The following LRRC75A variants were observed in gnomAD, a reference collection of about 807,000 sequenced individuals.
LRRC75A encodes leucine-rich repeat-containing protein 75A.
Under a neutral mutation model 26.0 loss-of-function variants are expected in LRRC75A, and 12 were observed. The observed-to-expected ratio is 0.46, with a 90% confidence interval of 0.30 to 0.75. The LOEUF is 0.75. Among genes scored for constraint, LRRC75A ranks in the 30% least tolerant of loss-of-function variants. LRRC75A has a pLI of 0.08. For missense variants in LRRC75A, 410 were observed against 486.6 expected (o/e 0.84, Z 1.48); for synonymous variants, 223 against 219.3 (o/e 1.02, Z -0.15).
At chr17:16,474,159 C>T (rs140069233) in intron 1 of LRRC75A, among the ~76,000 whole-genome samples, 5 of 118,676 alleles carry the variant, frequency 4.2e-5, no homozygotes, top group Non-Finnish European at 1.7e-5. Context: ...TCTGCCCACA[C>T]GTGGCTGACG....
chr17:16,453,662 C>T (rs1178198601), intron 2 of LRRC75A, among the ~76,000 whole-genome samples: 1 of 152,146 alleles, frequency 6.6e-6, no homozygotes, highest in Admixed American at 6.5e-5. Context: ...CCTCTGAGCA[C>T]TGTTTGCATG....
At chr17:16,457,806 GA>G (rs35875846) in intron 2 of LRRC75A, among the ~76,000 whole-genome samples, 120,584 of 148,244 alleles carry the variant, frequency 0.81, 49,717 homozygotes, top group African/African-American at 0.94. Context: ...GTCTCTACAA[GA>G]AAAAAAAAAA....
chr17:16,466,752 G>C (rs1031970539), intron 1 of LRRC75A, among the ~76,000 whole-genome samples: 2 of 152,194 alleles, frequency 1.3e-5, no homozygotes, highest in Non-Finnish European at 1.5e-5. Context: ...TGGATAAACA[G>C]GTCTGGGGAC....
intron 2 of LRRC75A, among the ~76,000 whole-genome samples, chr17:16,454,604 T>C (rs903559599): frequency 2.6e-5 from 4 of 151,612 alleles, no homozygotes; most frequent in African/African-American, 9.7e-5. Context: ...GGCAGGAGAA[T>C]CGCGTGAACC....
intron 1 of LRRC75A, among the ~76,000 whole-genome samples, chr17:16,490,657 T>C (rs925831982): frequency 6.6e-6 from 1 of 152,158 alleles, no homozygotes; most frequent in Non-Finnish European, 1.5e-5. Flanking sequence ...TGGGTCTGAT[T>C]AGATTTTGGA....
intron 1 of LRRC75A, among the ~76,000 whole-genome samples, chr17:16,474,267 G>A (rs2093814443): frequency 6.6e-6 from 1 of 152,186 alleles, no homozygotes; most frequent in South Asian, 2.1e-4. Flanking sequence ...TGAGAAGGTT[G>A]CACCAGCTCA....
Position 16,491,674 on chromosome 17 carries a change from A to C in LRRC75A, c.246+71T>G. 1.7e-6 allele frequency: 2 copies of C among 1,144,196 alleles called. No individual in the cohort carries two copies. The highest frequency in any genetic ancestry group is 1.6e-5 in the African/African-American group (1 of 60,756). The allele number at this position is 1,144,196 out of a possible 1,614,324, so 70.9% of individuals were successfully genotyped here. A position where few individuals can be genotyped will look rare whatever the true frequency, so the allele number is the denominator to read the frequency against. On this transcript the variant is annotated intron_variant, in intron 1 of 3. Coordinates refer to ENST00000470794, the MANE Select transcript of LRRC75A (RefSeq NM_001113567.3). The surrounding 1 kb of genome is among the most constrained non-coding windows in gnomAD (Gnocchi z 5.9). ...GTGCCCCCGGCTTCCTCGGTTAGGGATGGGGCGCCCCCCCCGGCCCAGCAC... is the reference window on the plus strand; with the variant it reads ...GTGCCCCCGGCTTCCTCGGTTAGGGCTGGGGCGCCCCCCCCGGCCCAGCAC...
At chr17:16,459,732 A>T (rs2093713255) in intron 2 of LRRC75A, among the ~76,000 whole-genome samples, 1 of 152,068 alleles carries the variant, frequency 6.6e-6, no homozygotes, top group South Asian at 2.1e-4. Context: ...CTCAGATGCA[A>T]ATTGCTCTGA....
chr17:16,466,547 G>A (rs1294363346), intron 1 of LRRC75A, among the ~76,000 whole-genome samples: 1 of 152,196 alleles, frequency 6.6e-6, no homozygotes, highest in Non-Finnish European at 1.5e-5. Context: ...TAGGAACTGT[G>A]CCTGTGGACA....
chr17:16,466,293 G>C, intron 1 of LRRC75A, among the ~76,000 whole-genome samples: 1 of 152,208 alleles, frequency 6.6e-6, no homozygotes, highest in Non-Finnish European at 1.5e-5. Context: ...ACAGCCCTGG[G>C]AATGGGCTCC....
chr17:16,468,326 A>C (rs1167626712), intron 1 of LRRC75A, among the ~76,000 whole-genome samples: 3 of 152,242 alleles, frequency 2.0e-5, no homozygotes, highest in African/African-American at 7.2e-5. Context: ...GAACAGATGA[A>C]TGGGTACACG....
intron 1 of LRRC75A, among the ~76,000 whole-genome samples, chr17:16,479,032 TG>T (rs1225642423): frequency 6.6e-6 from 1 of 152,226 alleles, no homozygotes; most frequent in Non-Finnish European, 1.5e-5. Flanking sequence ...AGGGGAATCC[TG>T]GACCCCTGCA....
At chr17:16,469,654 T>A (rs1421614120) in intron 1 of LRRC75A, among the ~76,000 whole-genome samples, 1 of 152,202 alleles carries the variant, frequency 6.6e-6, no homozygotes. Flanking sequence ...AGAAGGGACA[T>A]CTTCACCCAC....
At chr17:16,447,333 G>T (rs1287575106) in intron 3 of LRRC75A, among the ~76,000 whole-genome samples, 4 of 93,808 alleles carry the variant, frequency 4.3e-5, no homozygotes, top group Non-Finnish European at 8.1e-5. Flanking sequence ...AGTTACTAGG[G>T]AGTGCTTGTT....
Position 16,491,534 on chromosome 17 carries a change from C to T in LRRC75A, c.246+211G>A, listed in dbSNP as rs1166028673. ...CAGGTCCCCTTCGGCGGGCCTCACC[C>T]GGCCAGCCTTCCTCCGCCCTGCCCT... On this transcript the variant is annotated intron_variant, in intron 1 of 3. Coordinates refer to ENST00000470794, the MANE Select transcript of LRRC75A (RefSeq NM_001113567.3). This position sits in a 1 kb window ranked among gnomAD's most constrained non-coding sequence, Gnocchi z 5.9. 6.6e-6 allele frequency among the ~76,000 whole-genome samples: 1 copy of T among 152,238 alleles called. No individual in the cohort carries two copies. The highest frequency in any genetic ancestry group is 1.5e-5 in the Non-Finnish European group (1 of 68,032).
At position 16,446,903 on chromosome 17, in the gene LRRC75A, GC is replaced by G. The variant is rs565328691; in HGVS notation, c.491+941del. The stretch of plus-strand genomic sequence containing the variant: ...ACACTGTTCATCCACCTGGGAATGC[GC>G]CTCTCCAGGATCCATCTCCTAGTTG... On this transcript the variant is annotated intron_variant, in intron 3 of 3. Transcript: ENST00000470794. 475 of 363,096 alleles carry G rather than the reference GC, an allele frequency of 1.3e-3. 3 individuals are homozygous for G. Among genetic ancestry groups the G allele is most frequent in the African/African-American group, 0.011 (429 of 38,830 alleles). 22.5% of individuals were successfully genotyped at this position (363,096 alleles called of 1,614,324 possible).
At chr17:16,449,159 G>A (rs1211227336) in intron 2 of LRRC75A, among the ~76,000 whole-genome samples, 2 of 152,170 alleles carry the variant, frequency 1.3e-5, no homozygotes, top group Non-Finnish European at 2.9e-5. Context: ...CCAACGACTC[G>A]GTGTGGGGAG....
At chr17:16,463,528 C>T (rs1601158121) in intron 1 of LRRC75A, among the ~76,000 whole-genome samples, 1 of 152,280 alleles carries the variant, frequency 6.6e-6, no homozygotes, top group East Asian at 1.9e-4. Flanking sequence ...TGCAGGCTGT[C>T]CTCATTCTGG....
At chr17:16,450,381 G>A (rs964389973) in intron 2 of LRRC75A, among the ~76,000 whole-genome samples, 11 of 152,190 alleles carry the variant, frequency 7.2e-5, no homozygotes, top group African/African-American at 2.7e-4. Flanking sequence ...GCCCGAGACT[G>A]AACAGAACGG....
Sources: gnomAD v4.1 joint callset for allele counts (sites outside exome capture counted in the v4.1 genomes callset) on GRCh38, gnomAD v4.1.1 for gene constraint, Gnocchi (gnomAD v3.1) non-coding constraint, MANE v1.5 for transcripts, NCBI Gene and HGNC (gene_info 2026-07-23, HGNC 2026-07-21) for gene names.